The following UBAP2 variants were observed in gnomAD, a reference collection of about 807,000 sequenced individuals.
UBAP2 encodes ubiquitin-associated protein 2.
A neutral mutation model predicts 139.6 loss-of-function variants in UBAP2; 75 were observed. The observed-to-expected ratio is 0.54, with a 90% CI of 0.45 to 0.65. The LOEUF (loss-of-function observed/expected upper bound fraction) is 0.65, where lower values mean the gene tolerates loss of function less well. Ranked by LOEUF, UBAP2 falls within the 30% of genes least tolerant of loss-of-function variation. The pLI is 0.00. For synonymous variants in UBAP2, 526 were observed against 526.2 expected, an observed-to-expected ratio of 1.00 and a Z score of 0.01; for missense variants, 1,368 against 1,369.6, an observed-to-expected ratio of 1.00 and a Z score of 0.02.
At chr9:33,955,976 G>T in intron 11 of UBAP2, 103 bp downstream of exon 11, 3 of 864,636 alleles carry the variant, frequency 3.5e-6, no homozygotes, top group Non-Finnish European at 5.4e-6. Flanking sequence ...TGGATAAAAA[G>T]GGAAAAAATA....
chr9:34,042,163 C>T (rs1270194516), intron 1 of UBAP2, among the ~76,000 whole-genome samples: 5 of 151,894 alleles, frequency 3.3e-5, no homozygotes, highest in Non-Finnish European at 7.4e-5. Context: ...TACGGATATA[C>T]ATATAAGGTA....
At chr9:33,969,799 G>C (rs1827769871) in intron 8 of UBAP2, among the ~76,000 whole-genome samples, 1 of 151,002 alleles carries the variant, frequency 6.6e-6, no homozygotes, top group African/African-American at 2.4e-5. Context: ...CTGGGAGGTG[G>C]AGGTTGCAGT....
intron 8 of UBAP2, among the ~76,000 whole-genome samples, chr9:33,968,733 A>T (rs1370762495): frequency 6.6e-6 from 1 of 152,222 alleles, no homozygotes; most frequent in Non-Finnish European, 1.5e-5. Flanking sequence ...CAGACAGTTG[A>T]ATAATTTTTA....
intron 12 of UBAP2, among the ~76,000 whole-genome samples, chr9:33,951,629 G>C (rs897244788): frequency 2.0e-5 from 3 of 152,048 alleles, no homozygotes; most frequent in African/African-American, 7.2e-5. Flanking sequence ...TAACAGGTGT[G>C]AGCCACCGCG....
At chr9:33,970,185 A>C (rs1313379689) in intron 8 of UBAP2, among the ~76,000 whole-genome samples, 3 of 151,156 alleles carry the variant, frequency 2.0e-5, no homozygotes, top group Non-Finnish European at 2.9e-5. Context: ...GTTATCTTAT[A>C]ATCTCCTAAT....
intron 24 of UBAP2, 92 bp from the exon 25 acceptor site, chr9:33,923,570 A>G: frequency 7.7e-7 from 1 of 1,302,812 alleles, no homozygotes; most frequent in South Asian, 1.2e-5. Flanking sequence ...AGCAGGTGAC[A>G]TACCCACAAC....
chr9:33,935,811 G>A (rs1354103976), intron 17 of UBAP2, 28 bp downstream of exon 17: 2 of 1,613,884 alleles, frequency 1.2e-6, no homozygotes, highest in South Asian at 1.1e-5. Context: ...CACCAGCCAT[G>A]ACAAGAGTAG....
At chr9:33,966,564 A>G (rs1827474545) in intron 8 of UBAP2, among the ~76,000 whole-genome samples, 1 of 152,246 alleles carries the variant, frequency 6.6e-6, no homozygotes, top group Admixed American at 6.5e-5. Context: ...GACATTTCAA[A>G]GATATTGAGT....
At chr9:33,986,192 A>G (rs956957763) in intron 6 of UBAP2, among the ~76,000 whole-genome samples, 5 of 152,020 alleles carry the variant, frequency 3.3e-5, no homozygotes, top group African/African-American at 1.2e-4. Flanking sequence ...AGCTGGGACT[A>G]CAGGTGCGTG....
chr9:33,943,496 G>C lies in UBAP2; in HGVS notation c.1639C>G (p.Leu547Val). 9 of 1,614,206 alleles carry C rather than the reference G, an allele frequency of 5.6e-6. No homozygotes were observed. The highest frequency in any genetic ancestry group is 6.8e-6 in the Non-Finnish European group (8 of 1,180,038). Reference protein sequence around the residue: ...GALEFGSEPSLSEFGSAPSSE... With the variant: ...GALEFGSEPSVSEFGSAPSSE... ...CTTGGAGCTGATCCAAATTCAGAGA[G>C]AGAAGGTTCTGACCCAAATTCCAGA... The change falls in exon 15 of 29, where the codon CTC (leucine) becomes GTC (valine). Residue 547 changes from leucine to valine, a missense_variant. Leu to Val is a conservative substitution (Grantham distance 32). Coordinates refer to ENST00000379238, the MANE Select transcript of UBAP2 (RefSeq NM_001370062.2).
At chr9:34,008,410 G>A (rs1823427955) in intron 2 of UBAP2, among the ~76,000 whole-genome samples, 1 of 151,848 alleles carries the variant, frequency 6.6e-6, no homozygotes, top group South Asian at 2.1e-4. Context: ...AACCAGGATG[G>A]TGTGTGGAAG....
At chr9:33,948,297 T>C (rs1230722254) in intron 13 of UBAP2, 77 bp downstream of exon 13, 6 of 1,298,000 alleles carry the variant, frequency 4.6e-6, no homozygotes, top group Admixed American at 2.4e-5. Flanking sequence ...TCCACATTAG[T>C]CTTCACAAGT....
chr9:34,009,783 G>A (rs1823581553), intron 2 of UBAP2, among the ~76,000 whole-genome samples: 1 of 147,596 alleles, frequency 6.8e-6, no homozygotes, highest in Admixed American at 6.8e-5. Flanking sequence ...TGTAACAAAT[G>A]AAAAATAAAT....
chr9:33,956,016 C>G, intron 11 of UBAP2, 63 bp downstream of exon 11: 1 of 1,334,892 alleles, frequency 7.5e-7, no homozygotes, highest in South Asian at 1.4e-5. Flanking sequence ...AAATACTTTT[C>G]CTGAGGCAAA....
At position 34,017,118 on chromosome 9, in the gene UBAP2, G is replaced by C; in HGVS notation, c.31C>G (p.Arg11Gly). Reference protein sequence around the residue: MMTSVSSDHCRGAREKPQISA... With the variant: MMTSVSSDHCGGAREKPQISA... Reference sequence around the variant, plus strand: ...ATCTGTGGTTTTTCCCGAGCACCTCGACAATGGTCACTGCTCACTGAAGTC... The same window carrying C: ...ATCTGTGGTTTTTCCCGAGCACCTCCACAATGGTCACTGCTCACTGAAGTC... Residue 11 changes from arginine to glycine, a missense_variant, in exon 2 of 29, where the codon CGA (arginine) becomes GGA (glycine). Arg to Gly is a moderately radical substitution (Grantham distance 125). Coordinates refer to ENST00000379238, the MANE Select transcript of UBAP2 (RefSeq NM_001370062.2). 6.2e-7 allele frequency: 1 copy of C among 1,610,732 alleles called. No homozygotes were observed. Among genetic ancestry groups the C allele is most frequent in the Non-Finnish European group, 8.5e-7 (1 of 1,179,228 alleles).
At chr9:33,965,833 G>T (rs1274119736) in intron 8 of UBAP2, among the ~76,000 whole-genome samples, 1 of 151,198 alleles carries the variant, frequency 6.6e-6, no homozygotes, top group Non-Finnish European at 1.5e-5. Context: ...TAGATCACAA[G>T]GTCAGGAGAT....
At chr9:34,007,566 G>A (rs1823332932) in intron 2 of UBAP2, among the ~76,000 whole-genome samples, 1 of 151,466 alleles carries the variant, frequency 6.6e-6, no homozygotes, top group Non-Finnish European at 1.5e-5. Context: ...TTACCACAAA[G>A]GGATGTTGAA....
intron 1 of UBAP2, among the ~76,000 whole-genome samples, chr9:34,025,854 AC>A (rs1825358032): frequency 6.6e-6 from 1 of 152,122 alleles, no homozygotes; most frequent in Non-Finnish European, 1.5e-5. Flanking sequence ...AACTAGGATT[AC>A]AGGCCTGAGC....
intron 1 of UBAP2, among the ~76,000 whole-genome samples, chr9:34,031,559 G>A (rs984355861): frequency 2.0e-5 from 3 of 151,784 alleles, no homozygotes; most frequent in Non-Finnish European, 2.9e-5. Context: ...CACCCGCCTC[G>A]GCCTCCCAAA....
Sources: allele counts gnomAD v4.1 joint callset (sites outside exome capture counted in the v4.1 genomes callset), GRCh38; gene constraint gnomAD v4.1.1; transcripts MANE v1.5; gene names NCBI Gene and HGNC (gene_info 2026-07-23, HGNC 2026-07-21).